SMC2: variants seen among roughly 807,000 people sequenced by gnomAD.
The protein encoded by SMC2 is structural maintenance of chromosomes 2.
In SMC2, 41 loss-of-function variants were observed where a neutral mutation model predicts 142.6. That is an observed-to-expected ratio of 0.29 (90% CI 0.22 to 0.37). The LOEUF (loss-of-function observed/expected upper bound fraction) is 0.37. Among genes scored for constraint, SMC2 ranks in the 10% least tolerant of loss-of-function variants. The pLI, the probability that SMC2 is intolerant of heterozygous loss-of-function variation, is 1.00. For synonymous variants in SMC2, 463 were observed against 457.5 expected (o/e 1.01, Z -0.15); for missense variants, 1,265 against 1,373.7 (o/e 0.92, Z 1.25).
rs377476484 is a variant in SMC2, at chr9:104,104,639, G to A, written c.1020+2066G>A. On this transcript the variant is annotated intron_variant, in intron 9 of 24. Coordinates refer to ENST00000374793, the MANE Select transcript of SMC2 (RefSeq NM_006444.3). ...CTACAGTTATTCTTGAGAACTGTAA[G>A]CCAGGGAGGGAAGAACTGGCTTAGT... Among the ~76,000 whole-genome samples, 5 of 152,304 alleles carry A rather than the reference G, an allele frequency of 3.3e-5. No homozygotes were observed. In the South Asian group the frequency reaches 1.0e-3, roughly 32 times the overall value.
intron 23 of SMC2, among the ~76,000 whole-genome samples, chr9:104,135,701 A>G (rs909214330): frequency 1.3e-5 from 2 of 152,204 alleles, no homozygotes; most frequent in African/African-American, 4.8e-5. Context: ...GAAAAGAGAC[A>G]TTATGTGCTA....
At chr9:104,123,569 T>C (rs180917084) in intron 17 of SMC2, among the ~76,000 whole-genome samples, 1 of 152,350 alleles carries the variant, frequency 6.6e-6, no homozygotes, top group East Asian at 1.9e-4. Context: ...CCCTAATTGC[T>C]GATGAAATTT....
rs1224302308 is a variant in SMC2, at chr9:104,126,791, T to C, written c.2595+7T>C. 4 of 1,583,126 alleles carry C rather than the reference T, an allele frequency of 2.5e-6. No individual in the cohort carries two copies. Among genetic ancestry groups the C allele is most frequent in the South Asian group, 1.1e-5 (1 of 87,226 alleles). On this transcript the variant is annotated splice_region_variant and intron_variant, in intron 19 of 24. Coordinates refer to ENST00000374793, the MANE Select transcript of SMC2 (RefSeq NM_006444.3). The stretch of plus-strand genomic sequence containing the variant: ...TGAGGTGGCTAAAAATAAGGTAGGA[T>C]TTATTTATCAAATTCGAGAAATTGA...
intron 1 of SMC2, 74 bp from the exon 2 acceptor site, chr9:104,095,250 C>T: frequency 1.5e-6 from 1 of 664,946 alleles, no homozygotes; most frequent in Non-Finnish European, 2.6e-6. Context: ...CCTATCGTTG[C>T]TGTTTTTGCC....
At chr9:104,125,314 T>C (rs1285841138) in intron 18 of SMC2, among the ~76,000 whole-genome samples, 1 of 152,150 alleles carries the variant, frequency 6.6e-6, no homozygotes, top group Non-Finnish European at 1.5e-5. Flanking sequence ...TAGAAACTTT[T>C]TGAGTGTTGA....
In SMC2 at chr9:104,118,149, CAT is replaced by C. The variant is rs780691854; in HGVS notation, c.1792-19_1792-18del. ...GGAAAAGTAGTAGTATGTACTGTGGCATATCTGTTGTTGTCCCACAGGTTGGC... is the reference window on the plus strand; with the variant it reads ...GGAAAAGTAGTAGTATGTACTGTGGCATCTGTTGTTGTCCCACAGGTTGGC... On this transcript the variant is annotated intron_variant, in intron 14 of 24. Coordinates refer to ENST00000374793, the MANE Select transcript of SMC2 (RefSeq NM_006444.3). 1 of 1,595,730 alleles carries C rather than the reference CAT, an allele frequency of 6.3e-7. No homozygotes were observed. Among genetic ancestry groups the C allele is most frequent in the Non-Finnish European group, 8.6e-7 (1 of 1,163,766 alleles).
chr9:104,094,487 G>A lies in SMC2; in HGVS notation c.-62+10G>A, dbSNP rs1260037503. ...CTGGCCTGAGGCAGCGGTGAGGCGT[G>A]TGCGTGAGCACGGCCGGTTGGGCCG... On this transcript the variant is annotated intron_variant, in intron 1 of 24. Transcript: ENST00000374793. 1 of 395,296 alleles carries A rather than the reference G, an allele frequency of 2.5e-6. No individual in the cohort carries two copies. The highest frequency in any genetic ancestry group is 4.4e-5 in the Admixed American group (1 of 22,590). The allele number at this position is 395,296 out of a possible 1,614,324, so 24.5% of individuals were successfully genotyped here.
intron 24 of SMC2, 67 bp from the exon 25 acceptor site, chr9:104,139,072 G>A: frequency 9.7e-7 from 1 of 1,033,702 alleles, no homozygotes; most frequent in South Asian, 1.8e-5. Flanking sequence ...CTTATCACCA[G>A]TATAAAGGAG....
intron 17 of SMC2, 68 bp from the exon 18 acceptor site, chr9:104,124,844 A>G (rs1834094148): frequency 4.0e-6 from 5 of 1,236,096 alleles, no homozygotes; most frequent in Non-Finnish European, 5.7e-6. Flanking sequence ...CATTTCTTCT[A>G]TTAAAAGTTG....
Position 104,139,233 on chromosome 9 carries a change from T to C in SMC2, c.3512T>C (p.Phe1171Ser). 6.2e-7 allele frequency: 1 copy of C among 1,601,708 alleles called. No homozygotes were observed. The highest frequency in any genetic ancestry group is 1.1e-5 in the South Asian group (1 of 88,440). The part of the protein sequence containing the change: ...FVDGVSTVAR[F>S]TQCQNGKISK... ...GATGGTGTTTCTACAGTAGCCAGAT[T>C]TACTCAATGTCAAAATGGAAAGATT... The change falls in exon 25 of 25, where the codon TTT becomes TCT. Residue 1171 changes from phenylalanine (F) to serine (S), a missense_variant. Phe to Ser is a radical substitution (Grantham distance 155). Coordinates refer to ENST00000374793, the MANE Select transcript of SMC2 (RefSeq NM_006444.3).
In SMC2 at chr9:104,132,056, C is replaced by A; in HGVS notation, c.3039C>A (p.Ser1013=). ...KKKRIVENDK[S]KILTTIEDLD... ...AGAGAATTGTAGAAAATGACAAATC[C>A]AAAATTCTTACAACTATAGAAGACC... The change falls in exon 22 of 25, where the codon TCC becomes TCA. Residue 1013 remains serine (S), a synonymous_variant. Transcript: ENST00000374793. 6.2e-7 allele frequency: 1 copy of A among 1,600,832 alleles called. No homozygotes were observed. Among genetic ancestry groups the A allele is most frequent in the South Asian group, 1.1e-5 (1 of 88,654 alleles).
Position 104,132,188 on chromosome 9 carries a change from T to C in SMC2, c.3108+63T>C, listed in dbSNP as rs1014263552. On this transcript the variant is annotated intron_variant, in intron 22 of 24. Coordinates refer to ENST00000374793, the MANE Select transcript of SMC2 (RefSeq NM_006444.3). ...TGAAAAAATATCATCAGTGGAGTTA[T>C]ACTCTATAAGAAATTTGAAATAGCT... The C allele has an allele frequency of 3.4e-5, 29 of 841,854 alleles. No homozygotes were observed. The African/African-American group carries it at 4.2e-4, about 12-fold the overall frequency. The allele number at this position is 841,854 out of a possible 1,614,324, so 52.1% of individuals were successfully genotyped here. A position where few individuals can be genotyped will look rare whatever the true frequency, so the allele number is the denominator to read the frequency against.
chr9:104,134,335 T>C, intron 22 of SMC2, 80 bp from the exon 23 acceptor site: 4 of 1,026,302 alleles, frequency 3.9e-6, no homozygotes, highest in Non-Finnish European at 5.6e-6. Flanking sequence ...AGACCTGCTG[T>C]GTTGCATATA....
chr9:104,132,342 A>G (rs1240110814), intron 22 of SMC2, among the ~76,000 whole-genome samples: 2 of 152,158 alleles, frequency 1.3e-5, no homozygotes, highest in Non-Finnish European at 2.9e-5. Flanking sequence ...AGAATTGGAT[A>G]GTAAACAAGC....
chr9:104,109,811 T>G (rs555396133), intron 9 of SMC2, among the ~76,000 whole-genome samples: 25 of 152,266 alleles, frequency 1.6e-4, no homozygotes, highest in African/African-American at 6.0e-4. Context: ...ACTAGTCTAT[T>G]TTATCATTTA....
At chr9:104,129,502 CA>C (rs60804779) in intron 20 of SMC2, 142 bp from the exon 21 acceptor site, 109,154 of 526,856 alleles carry the variant, frequency 0.21, 11 homozygotes, top group South Asian at 0.26. Context: ...AACTCCATCT[CA>C]AAAAAAAAAA....
chr9:104,123,935 CAT>C (rs2131479982), intron 17 of SMC2, among the ~76,000 whole-genome samples: 1 of 152,322 alleles, frequency 6.6e-6, no homozygotes, highest in Admixed American at 6.5e-5. Context: ...AATATCCACA[CAT>C]GTGCTTCTCC....
intron 21 of SMC2, among the ~76,000 whole-genome samples, chr9:104,130,621 CAA>C (rs1232142751): frequency 3.3e-5 from 5 of 152,000 alleles, no homozygotes; most frequent in Non-Finnish European, 7.4e-5. Flanking sequence ...TGAATATGCA[CAA>C]AGAGTCTATA....
At chr9:104,088,928 A>G in the SMC2 span, among the ~76,000 whole-genome samples, 14 of 152,022 alleles carry the variant, frequency 9.2e-5, no homozygotes, top group Non-Finnish European at 2.1e-4. Context: ...CCACCAACAA[A>G]GTTAGGGAGC....
Sources: gnomAD v4.1 joint callset for allele counts (sites outside exome capture counted in the v4.1 genomes callset) on GRCh38, gnomAD v4.1.1 for gene constraint, MANE v1.5 for transcripts, NCBI Gene and HGNC (gene_info 2026-07-23, HGNC 2026-07-21) for gene names.